ERC1: variants seen among roughly 807,000 people sequenced by gnomAD.
The protein encoded by ERC1 is RAB6 interacting protein 2.
ERC1 carries 56 observed loss-of-function variants against 132.0 expected under a neutral mutation model. That is an observed-to-expected ratio of 0.42 (90% CI 0.34 to 0.53). ERC1 has a LOEUF of 0.53. Among genes scored for constraint, ERC1 ranks in the 20% least tolerant of loss-of-function variants. The pLI is 0.03. For synonymous variants in ERC1, 478 were observed against 476.1 expected, an observed-to-expected ratio of 1.00 and a Z score of -0.05; for missense variants, 1,202 against 1,349.9, an observed-to-expected ratio of 0.89 and a Z score of 1.72.
intron 14 of ERC1, among the ~76,000 whole-genome samples, chr12:1,264,167 C>T (rs868300108): frequency 1.3e-5 from 2 of 152,140 alleles, no homozygotes; most frequent in African/African-American, 2.4e-5. Flanking sequence ...TAAGCAGCCT[C>T]GGAGGGACTT....
In ERC1 at chr12:1,028,023, G is replaced by C. The variant is rs776916957; in HGVS notation, c.120G>C (p.Gly40=). Residue 40 remains glycine (G), a synonymous_variant, in exon 2 of 19, where the codon GGG becomes GGC. Transcript: ENST00000360905. The part of the protein sequence containing the change: ...LGHRRTNSTG[G]SSGSSVGGGS... ...ACCGTCGAACCAACAGTACGGGAGG[G>C]AGTTCGGGAAGCAGTGTTGGAGGTG... 6.2e-7 allele frequency: 1 copy of C among 1,614,158 alleles called. No individual in the cohort carries two copies. Among genetic ancestry groups the C allele is most frequent in the Non-Finnish European group, 8.5e-7 (1 of 1,180,032 alleles).
intron 14 of ERC1, among the ~76,000 whole-genome samples, chr12:1,265,890 C>G (rs1049774618): frequency 2.6e-5 from 4 of 152,186 alleles, no homozygotes; most frequent in Non-Finnish European, 5.9e-5. Context: ...GCTCATTTCT[C>G]TTTATCTCTG....
intron 7 of ERC1, among the ~76,000 whole-genome samples, chr12:1,119,070 A>C (rs911894824): frequency 6.6e-6 from 1 of 152,026 alleles, no homozygotes; most frequent in Non-Finnish European, 1.5e-5. Flanking sequence ...GCAGAGACAG[A>C]GTCTCACTGT....
intron 8 of ERC1, among the ~76,000 whole-genome samples, chr12:1,163,152 G>A (rs1156848369): frequency 6.6e-6 from 1 of 152,124 alleles, no homozygotes; most frequent in African/African-American, 2.4e-5. Context: ...AACTTGCAAA[G>A]TATTATTTAA....
At chr12:1,226,518 C>T (rs2074585863) in intron 12 of ERC1, among the ~76,000 whole-genome samples, 1 of 152,172 alleles carries the variant, frequency 6.6e-6, no homozygotes, top group South Asian at 2.1e-4. Context: ...ACTGGATCTT[C>T]AGAACTTACT....
intron 12 of ERC1, among the ~76,000 whole-genome samples, chr12:1,199,816 A>C (rs1047907669): frequency 6.6e-6 from 1 of 151,990 alleles, no homozygotes; most frequent in Admixed American, 6.6e-5. Flanking sequence ...TGATCTGTTC[A>C]TAGGATTTGG....
intron 16 of ERC1, among the ~76,000 whole-genome samples, chr12:1,396,542 G>T (rs889706105): frequency 6.6e-6 from 1 of 152,194 alleles, no homozygotes; most frequent in Non-Finnish European, 1.5e-5. Flanking sequence ...GTAAACAGAT[G>T]ATTAGAATCT....
chr12:1,244,082 T>C (rs2076005047), intron 13 of ERC1, among the ~76,000 whole-genome samples: 1 of 152,144 alleles, frequency 6.6e-6, no homozygotes, highest in Non-Finnish European at 1.5e-5. Flanking sequence ...GGTGAGTGAG[T>C]AATTTACATA....
At chr12:1,240,260 C>T (rs2075703559) in intron 13 of ERC1, among the ~76,000 whole-genome samples, 1 of 152,100 alleles carries the variant, frequency 6.6e-6, no homozygotes, top group South Asian at 2.1e-4. Flanking sequence ...TTTAAAATTC[C>T]AATGGTAGTA....
chr12:1,435,432 C>CT lies in ERC1; in HGVS notation c.3025-9129dup, dbSNP rs370451434. On this transcript the variant is annotated intron_variant, in intron 17 of 18. Transcript: ENST00000360905. Reference sequence around the variant, plus strand: ...CCCCTGGCTTTCCTGGAATTAGCTGCTGTCCCCCTGAAAAACCAGCTTTAT... The same window carrying CT: ...CCCCTGGCTTTCCTGGAATTAGCTGCTTGTCCCCCTGAAAAACCAGCTTTAT... Among the ~76,000 whole-genome samples, 733 of 152,268 alleles carry CT rather than the reference C, an allele frequency of 4.8e-3. 9 individuals are homozygous for CT. The highest frequency in any genetic ancestry group is 0.017 in the African/African-American group (691 of 41,554).
At chr12:1,418,916 G>A (rs1253085135) in intron 17 of ERC1, among the ~76,000 whole-genome samples, 1 of 151,802 alleles carries the variant, frequency 6.6e-6, no homozygotes, top group East Asian at 1.9e-4. Flanking sequence ...GTCTCACTGT[G>A]TTGCCCAGGC....
chr12:1,278,932 A>G (rs1310680689), intron 14 of ERC1, among the ~76,000 whole-genome samples: 1 of 152,174 alleles, frequency 6.6e-6, no homozygotes, highest in Non-Finnish European at 1.5e-5. Context: ...AAAAGAAAGC[A>G]GAAAACTTTA....
At chr12:1,005,525 C>G (rs1032357508) in intron 1 of ERC1, among the ~76,000 whole-genome samples, 3 of 152,104 alleles carry the variant, frequency 2.0e-5, no homozygotes, top group Non-Finnish European at 4.4e-5. Context: ...AGTTATTAAA[C>G]AGAAAAAGTT....
intron 2 of ERC1, among the ~76,000 whole-genome samples, chr12:1,081,576 A>G (rs1254187131): frequency 6.6e-6 from 1 of 152,212 alleles, no homozygotes; most frequent in Non-Finnish European, 1.5e-5. Flanking sequence ...GATCTTGGAC[A>G]AGTGCTTAAA....
chr12:1,152,236 G>T (rs1950903958), intron 8 of ERC1: 3 of 151,226 alleles, frequency 2.0e-5, no homozygotes, highest in African/African-American at 7.3e-5. Flanking sequence ...GCAAGATGAA[G>T]ATGTCTTAAT....
At chr12:1,468,951 CTCTG>C (rs1311019214) in intron 18 of ERC1, among the ~76,000 whole-genome samples, 1 of 152,182 alleles carries the variant, frequency 6.6e-6, no homozygotes, top group Non-Finnish European at 1.5e-5. Context: ...TCAGAGGCAT[CTCTG>C]TCTGTAACTG....
At chr12:1,455,857 A>G (rs1245139361) in intron 18 of ERC1, among the ~76,000 whole-genome samples, 1 of 152,220 alleles carries the variant, frequency 6.6e-6, no homozygotes, top group Non-Finnish European at 1.5e-5. Flanking sequence ...AACACTGTGT[A>G]TGATTTTAAA....
At chr12:990,655 C>G (rs1959172791), upstream of ERC1, 1 of 152,228 alleles carries the variant, frequency 6.6e-6, no homozygotes, top group Admixed American at 6.5e-5. Context: ...ATTTCGCGGC[C>G]GCGTTCCACG....
At chr12:1,187,791 A>AT (rs1185379212) in intron 11 of ERC1, among the ~76,000 whole-genome samples, 1 of 152,228 alleles carries the variant, frequency 6.6e-6, no homozygotes, top group East Asian at 1.9e-4. Flanking sequence ...CTGAGGATAT[A>AT]TAGTGGTGGA....
Sources: gnomAD v4.1 joint callset for allele counts (sites outside exome capture counted in the v4.1 genomes callset) on GRCh38, gnomAD v4.1.1 for gene constraint, MANE v1.5 for transcripts, NCBI Gene and HGNC (gene_info 2026-07-23, HGNC 2026-07-21) for gene names.